Variants in RGMA observed in about 807,000 individuals in gnomAD.
The protein encoded by RGMA is repulsive guidance molecule A.
A neutral mutation model predicts 23.2 loss-of-function variants in RGMA; 10 were observed. The ratio of observed to expected loss-of-function variants is 0.43; its 90% confidence interval spans 0.27 to 0.73. The LOEUF (loss-of-function observed/expected upper bound fraction) is 0.73, where lower values mean the gene tolerates loss of function less well. Among genes scored for constraint, RGMA ranks in the 30% least tolerant of loss-of-function variants. RGMA has a pLI of 0.20. For synonymous variants in RGMA, 308 were observed against 279.3 expected (o/e 1.10, Z -1.03); for missense variants, 547 against 630.5 (o/e 0.87, Z 1.42).
At chr15:93,064,418 C>T (rs1287235088) in intron 2 of RGMA, among the ~76,000 whole-genome samples, 1 of 152,254 alleles carries the variant, frequency 6.6e-6, no homozygotes, top group East Asian at 1.9e-4. Flanking sequence ...CCTCTAGTGA[C>T]CCTGGGCTCC....
intron 1 of RGMA, among the ~76,000 whole-genome samples, chr15:93,084,737 T>A (rs1480269162): frequency 1.3e-5 from 2 of 152,168 alleles, no homozygotes; most frequent in Non-Finnish European, 2.9e-5. Flanking sequence ...CCTCCCAAAG[T>A]GCTGGGATTA....
At chr15:93,069,651 GAGGGCCTGCTCTAGAACACAGACTGC>G in intron 2 of RGMA, among the ~76,000 whole-genome samples, 1 of 152,346 alleles carries the variant, frequency 6.6e-6, no homozygotes, top group East Asian at 1.9e-4. Flanking sequence ...GAGCTCTCTG[GAGGGCCTGCTCTAGAACACAGACTGC>G]AGGGCCCCAG....
At chr15:93,064,575 G>A (rs1157587366) in intron 2 of RGMA, among the ~76,000 whole-genome samples, 17 of 152,232 alleles carry the variant, frequency 1.1e-4, no homozygotes, top group Non-Finnish European at 2.1e-4. Context: ...GCGCACACGC[G>A]TGTGTGGGTC....
intron 1 of RGMA, chr15:93,073,903 G>T (rs1409574624): frequency 1.3e-5 from 19 of 1,444,874 alleles, no homozygotes; most frequent in Non-Finnish European, 1.7e-5. Context: ...AGATGGCTAT[G>T]CCGGTCCGCG....
At position 93,041,653 on chromosome 15, in the gene RGMA, C is replaced by G. The variant is rs1471193759; in HGVS notation, c.*3345G>C. 1 of 152,336 alleles carries G rather than the reference C, an allele frequency of 6.6e-6. No individual in the cohort carries two copies. Among genetic ancestry groups the G allele is most frequent in the East Asian group, 1.9e-4 (1 of 5,184 alleles). The allele number at this position is 152,336 out of a possible 1,614,324, so 9.4% of individuals were successfully genotyped here. On this transcript the variant is annotated 3_prime_UTR_variant, in exon 4 of 4. Coordinates refer to ENST00000329082, the MANE Select transcript of RGMA (RefSeq NM_020211.3). ...GCCCTGGCTTCTCAGGAACTGTTCTCTGTGCCGGACGAGCACCAATGGCTC... is the reference window on the plus strand; with the variant it reads ...GCCCTGGCTTCTCAGGAACTGTTCTGTGTGCCGGACGAGCACCAATGGCTC...
chr15:93,066,380 G>T, intron 2 of RGMA: 1 of 723,460 alleles, frequency 1.4e-6, no homozygotes, highest in Non-Finnish European at 2.6e-6. Flanking sequence ...GCTTGTTCGC[G>T]TGACTCCAGG....
intron 2 of RGMA, among the ~76,000 whole-genome samples, chr15:93,070,191 A>G (rs1895278844): frequency 6.6e-6 from 1 of 152,208 alleles, no homozygotes; most frequent in Admixed American, 6.5e-5. Flanking sequence ...ATCCACATGG[A>G]GTAAGTAAAT....
At chr15:93,062,813 C>CT (rs1395317683) in intron 2 of RGMA, 3 of 152,528 alleles carry the variant, frequency 2.0e-5, no homozygotes, top group Non-Finnish European at 4.4e-5. Context: ...ACCTGCCTTC[C>CT]TTCTGTCCCT....
At chr15:93,075,157 A>G (rs1404179776) in intron 1 of RGMA, among the ~76,000 whole-genome samples, 1 of 151,962 alleles carries the variant, frequency 6.6e-6, no homozygotes, top group African/African-American at 2.4e-5. Context: ...ACAATTTAAA[A>G]GCAGGAAAAA....
At chr15:93,055,812 CCCTCCAAATGGGTAACTCCGCAG>C (rs1450095880) in intron 2 of RGMA, among the ~76,000 whole-genome samples, 1 of 152,208 alleles carries the variant, frequency 6.6e-6, no homozygotes, top group African/African-American at 2.4e-5. Context: ...TGTGGCTCTA[CCCTCCAAATGGGTAACTCCGCAG>C]CCTCCTGAAT....
At chr15:93,060,252 GAGACAC>G (rs1815154305) in intron 2 of RGMA, among the ~76,000 whole-genome samples, 1 of 152,242 alleles carries the variant, frequency 6.6e-6, no homozygotes, top group Admixed American at 6.5e-5. Flanking sequence ...TTCGACCTCA[GAGACAC>G]AGACACAGAG....
chr15:93,087,569 C>T (rs1895659375), intron 1 of RGMA, among the ~76,000 whole-genome samples: 1 of 151,318 alleles, frequency 6.6e-6, no homozygotes, highest in African/African-American at 2.4e-5. Flanking sequence ...TGTTGCCCTT[C>T]GGAGCACAGT....
chr15:93,066,231 A>G (rs11074135), intron 2 of RGMA: 27 of 1,350,794 alleles, frequency 2.0e-5, no homozygotes, highest in Non-Finnish European at 2.7e-5. Flanking sequence ...CGCTGCGCAG[A>G]AACTTCCTGG....
intron 1 of RGMA, among the ~76,000 whole-genome samples, chr15:93,074,353 C>G (rs1421135075): frequency 2.0e-5 from 3 of 152,138 alleles, no homozygotes; most frequent in African/African-American, 7.2e-5. Flanking sequence ...GTTCCGGCTG[C>G]CAGGTCGGGA....
At chr15:93,081,648 A>G (rs1035467630) in intron 1 of RGMA, among the ~76,000 whole-genome samples, 1 of 152,264 alleles carries the variant, frequency 6.6e-6, no homozygotes, top group Non-Finnish European at 1.5e-5. Context: ...ACCGACAGTG[A>G]GTCTGTCTCT....
intron 2 of RGMA, chr15:93,065,510 C>G (rs1182475207): frequency 4.1e-5 from 24 of 579,254 alleles, no homozygotes; most frequent in Admixed American, 1.3e-4. Context: ...GAACAGGGTA[C>G]TGGGTAGGGT....
At chr15:93,060,920 T>C (rs1456324498) in intron 2 of RGMA, among the ~76,000 whole-genome samples, 1 of 152,210 alleles carries the variant, frequency 6.6e-6, no homozygotes, top group Admixed American at 6.5e-5. Context: ...AGGGCGGCTT[T>C]GTGATTGTCG....
At chr15:93,072,106 C>G (rs1324151515) in intron 2 of RGMA, among the ~76,000 whole-genome samples, 1 of 151,552 alleles carries the variant, frequency 6.6e-6, no homozygotes, top group Non-Finnish European at 1.5e-5. Context: ...ATGCCTCCCC[C>G]CTCCCCCCGA....
intron 2 of RGMA, among the ~76,000 whole-genome samples, chr15:93,052,951 T>C (rs951084872): frequency 7.2e-5 from 11 of 152,312 alleles, no homozygotes; most frequent in East Asian, 1.9e-4. Flanking sequence ...TATGACCTTA[T>C]ACAAATGGCC....
Sources: gnomAD v4.1 joint callset for allele counts (sites outside exome capture counted in the v4.1 genomes callset) on GRCh38, gnomAD v4.1.1 for gene constraint, MANE v1.5 for transcripts, NCBI Gene and HGNC (gene_info 2026-07-23, HGNC 2026-07-21) for gene names.